The following ATP10A variants were observed in gnomAD, a reference collection of about 807,000 sequenced individuals.
The protein encoded by ATP10A is ATPase phospholipid transporting 10A (putative), also known as phospholipid-transporting ATPase VA.
A neutral mutation model predicts 147.8 loss-of-function variants in ATP10A; 111 were observed. The observed-to-expected ratio is 0.75, with a 90% confidence interval of 0.64 to 0.88. The LOEUF is 0.88. Among genes scored for constraint, ATP10A ranks in the 40% least tolerant of loss-of-function variants. The probability of loss-of-function intolerance (pLI) is 0.00; values close to 1 mark genes in which losing one functional copy is unlikely to be tolerated. For synonymous variants in ATP10A, 875 were observed against 841.6 expected (o/e 1.04, Z -0.69); for missense variants, 1,927 against 1,959.0 (o/e 0.98, Z 0.31).
chr15:25,679,258 C>T lies in ATP10A; in HGVS notation c.*83G>A. On this transcript the variant is annotated 3_prime_UTR_variant, in exon 21 of 21. Transcript: ENST00000555815. ...TGGGAAACATTTAGAAATACATCTC[C>T]CTAGAACTCTTCTGTGCAAATAATA... 1 of 1,056,090 alleles carries T rather than the reference C, an allele frequency of 9.5e-7. No individual in the cohort carries two copies. Among genetic ancestry groups the T allele is most frequent in the Non-Finnish European group, 1.2e-6 (1 of 825,444 alleles). The allele number at this position is 1,056,090 out of a possible 1,614,324, so 65.4% of individuals were successfully genotyped here. A position where few individuals can be genotyped will look rare whatever the true frequency, so the allele number is the denominator to read the frequency against.
chr15:25,704,163 T>C (rs760015757), intron 12 of ATP10A, among the ~76,000 whole-genome samples: 4 of 152,208 alleles, frequency 2.6e-5, no homozygotes, highest in Non-Finnish European at 5.9e-5. Context: ...ACTTGTACTA[T>C]GACAGGTTCC....
At chr15:25,776,614 C>T (rs1889618855) in intron 2 of ATP10A, among the ~76,000 whole-genome samples, 1 of 152,194 alleles carries the variant, frequency 6.6e-6, no homozygotes, top group Non-Finnish European at 1.5e-5. Flanking sequence ...TACATCAAAT[C>T]TTTACGTCTC....
intron 1 of ATP10A, among the ~76,000 whole-genome samples, chr15:25,833,203 G>A (rs1207360939): frequency 6.6e-6 from 1 of 151,906 alleles, no homozygotes; most frequent in Admixed American, 6.6e-5. Flanking sequence ...GGCTGGTTTC[G>A]AACTGCTGGC....
chr15:25,793,800 C>A (rs1399721686), intron 1 of ATP10A, among the ~76,000 whole-genome samples: 5 of 152,326 alleles, frequency 3.3e-5, no homozygotes, highest in South Asian at 2.1e-4. Context: ...GGCATCCAGT[C>A]GCCTTTGCAT....
chr15:25,796,698 G>C (rs746155886), intron 1 of ATP10A, among the ~76,000 whole-genome samples: 2 of 152,176 alleles, frequency 1.3e-5, no homozygotes, highest in Non-Finnish European at 2.9e-5. Context: ...ATGTGTCCTG[G>C]GCAGGTGCTA....
chr15:25,851,103 C>G (rs1416664838), intron 1 of ATP10A, among the ~76,000 whole-genome samples: 1 of 151,952 alleles, frequency 6.6e-6, no homozygotes, highest in Admixed American at 6.6e-5. Context: ...TCTGGCCTGG[C>G]CCACGCTGAG....
chr15:25,673,308 G>C (rs1346493095), downstream of ATP10A, among the ~76,000 whole-genome samples: 3 of 152,172 alleles, frequency 2.0e-5, no homozygotes, highest in Non-Finnish European at 4.4e-5. Context: ...GACACTCCTT[G>C]GCAGAAATTT....
intron 1 of ATP10A, among the ~76,000 whole-genome samples, chr15:25,819,895 G>A (rs1891808886): frequency 6.6e-6 from 1 of 152,032 alleles, no homozygotes; most frequent in Admixed American, 6.6e-5. Flanking sequence ...GATATAGAGT[G>A]TAAAATGATA....
At chr15:25,789,945 G>C (rs1890336938) in intron 1 of ATP10A, among the ~76,000 whole-genome samples, 1 of 152,164 alleles carries the variant, frequency 6.6e-6, no homozygotes, top group South Asian at 2.1e-4. Flanking sequence ...GTTGAGAAAT[G>C]CTGCTTTAAA....
At chr15:25,727,563 G>C (rs1902656861) in intron 3 of ATP10A, among the ~76,000 whole-genome samples, 1 of 152,154 alleles carries the variant, frequency 6.6e-6, no homozygotes, top group Non-Finnish European at 1.5e-5. Context: ...ATCACCACTA[G>C]GAAGGGCAAA....
At chr15:25,856,603 A>T (rs1053871747) in intron 1 of ATP10A, among the ~76,000 whole-genome samples, 1 of 152,178 alleles carries the variant, frequency 6.6e-6, no homozygotes, top group South Asian at 2.1e-4. Context: ...AGTATTTCCT[A>T]TAATAAATTA....
rs3816800 is a variant in ATP10A, at chr15:25,679,947, C to A, written c.3894G>T (p.Arg1298Ser). The A allele has an allele frequency of 2.5e-6, 4 of 1,602,380 alleles. No homozygotes were observed. In the South Asian group the frequency reaches 4.4e-5, roughly 18 times the overall value. Residue 1298 changes from arginine (R) to serine (S), a missense_variant, in exon 21 of 21, where the codon AGG becomes AGT. Arg to Ser is a moderately radical substitution (Grantham distance 110). Coordinates refer to ENST00000555815, the MANE Select transcript of ATP10A (RefSeq NM_024490.4). Reference sequence around the variant, plus strand: ...CCAGCTGAAGTTGTGTGGGGAAAACCCTCCCCTGGAGGGATCTGAAAAACA... The same window carrying A: ...CCAGCTGAAGTTGTGTGGGGAAAACACTCCCCTGGAGGGATCTGAAAAACA... ...PRLFFRSLQGRVFPTQLQLAR... is the reference protein window; with the variant it reads ...PRLFFRSLQGSVFPTQLQLAR...
At chr15:25,750,568 T>C (rs1453450392) in intron 2 of ATP10A, among the ~76,000 whole-genome samples, 1 of 152,160 alleles carries the variant, frequency 6.6e-6, no homozygotes, top group Non-Finnish European at 1.5e-5. Context: ...TGACAGCCAG[T>C]TCATCCTTAA....
intron 1 of ATP10A, among the ~76,000 whole-genome samples, chr15:25,793,378 A>G (rs1890524740): frequency 6.6e-6 from 1 of 152,182 alleles, no homozygotes. Context: ...CTTTAAAAAG[A>G]TATCGCCACT....
intron 10 of ATP10A, among the ~76,000 whole-genome samples, chr15:25,711,678 G>A (rs1455483758): frequency 6.6e-6 from 1 of 152,188 alleles, no homozygotes; most frequent in Non-Finnish European, 1.5e-5. Context: ...TTGATAAGGT[G>A]AGAGTTGAGA....
At chr15:25,826,035 A>C (rs1056801926) in intron 1 of ATP10A, among the ~76,000 whole-genome samples, 3 of 152,222 alleles carry the variant, frequency 2.0e-5, no homozygotes, top group Non-Finnish European at 2.9e-5. Flanking sequence ...AATAAATGAA[A>C]TAAAAATTTG....
At chr15:25,673,965 C>T (rs1442303836), downstream of ATP10A, among the ~76,000 whole-genome samples, 3 of 152,160 alleles carry the variant, frequency 2.0e-5, no homozygotes, top group African/African-American at 7.2e-5. Context: ...GGATATTTCC[C>T]GGCTCCAGCT....
chr15:25,821,102 T>C (rs1567409218), intron 1 of ATP10A, among the ~76,000 whole-genome samples: 1 of 152,148 alleles, frequency 6.6e-6, no homozygotes, highest in Non-Finnish European at 1.5e-5. Flanking sequence ...AAACAGGCAA[T>C]TTAAAGAAGC....
chr15:25,810,584 C>G (rs1299336557), intron 1 of ATP10A, among the ~76,000 whole-genome samples: 1 of 152,122 alleles, frequency 6.6e-6, no homozygotes, highest in Non-Finnish European at 1.5e-5. Flanking sequence ...AGTAGCCAAA[C>G]TAAAGTCAGG....
Sources: allele counts gnomAD v4.1 joint callset (sites outside exome capture counted in the v4.1 genomes callset), GRCh38; gene constraint gnomAD v4.1.1; transcripts MANE v1.5; gene names NCBI Gene and HGNC (gene_info 2026-07-23, HGNC 2026-07-21).